TIE1: variants seen among roughly 807,000 people sequenced by gnomAD.
The protein encoded by TIE1 is tyrosine-protein kinase receptor Tie-1.
In TIE1, 89 loss-of-function variants were observed where a neutral mutation model predicts 130.5. The ratio of observed to expected loss-of-function variants is 0.68; its 90% CI spans 0.57 to 0.81. TIE1 has a LOEUF of 0.81. Among genes scored for constraint, TIE1 ranks in the 40% least tolerant of loss-of-function variants. The probability of loss-of-function intolerance (pLI) is 0.00; values close to 1 mark genes in which losing one functional copy is unlikely to be tolerated. For synonymous variants in TIE1, 568 were observed against 629.4 expected (o/e 0.90, Z 1.46); for missense variants, 1,392 against 1,559.8 (o/e 0.89, Z 1.81).
At chr1:43,301,176 C>G in intron 1 of TIE1, 47 bp downstream of exon 1, 8 of 1,589,678 alleles carry the variant, frequency 5.0e-6, no homozygotes, top group Non-Finnish European at 6.9e-6. Flanking sequence ...CCCCGAGGCC[C>G]TGATTTCTAC....
chr1:43,302,859 G>C, intron 1 of TIE1, among the ~76,000 whole-genome samples: 1 of 152,054 alleles, frequency 6.6e-6, no homozygotes, highest in East Asian at 1.9e-4. Flanking sequence ...GCAGGCTGGG[G>C]GGGTGGGGAT....
intron 1 of TIE1, among the ~76,000 whole-genome samples, chr1:43,303,072 G>A (rs996231114): frequency 6.6e-6 from 1 of 152,140 alleles, no homozygotes; most frequent in Non-Finnish European, 1.5e-5. Context: ...CACCTCCCAG[G>A]ATAGCTGGGA....
chr1:43,307,279 G>A lies in TIE1; in HGVS notation c.772+6G>A, dbSNP rs368717508. Reference sequence around the variant, plus strand: ...TGGCACCCGCTGTGAACAGGGTAAGGAGGAGGGGAGCTAGGACCCAGGCAG... The same window carrying A: ...TGGCACCCGCTGTGAACAGGGTAAGAAGGAGGGGAGCTAGGACCCAGGCAG... On this transcript the variant is annotated splice_donor_region_variant and intron_variant, in intron 5 of 22. Coordinates refer to ENST00000372476, the MANE Select transcript of TIE1 (RefSeq NM_005424.5). This position sits in a 1 kb window ranked among gnomAD's most constrained non-coding sequence, Gnocchi z 5.4. The A allele has an allele frequency of 6.2e-7, 1 of 1,613,948 alleles. No homozygotes were observed.
chr1:43,314,777 G>A (rs1435216486), intron 14 of TIE1, among the ~76,000 whole-genome samples: 4 of 152,078 alleles, frequency 2.6e-5, no homozygotes, highest in East Asian at 1.9e-4. Flanking sequence ...GCAGTGAGCC[G>A]AGATGTTGCC....
Position 43,311,983 on chromosome 1 carries a change from C to A in TIE1, c.1493-11C>A. 1 of 1,576,978 alleles carries A rather than the reference C, an allele frequency of 6.3e-7. No homozygotes were observed. The highest frequency in any genetic ancestry group is 8.6e-7 in the Non-Finnish European group (1 of 1,158,406). ...GGGCTGAATAATGTGTGCTTTACAC[C>A]CCACGCCCAGTGGACCCCAGTGAGA... On this transcript the variant is annotated splice_polypyrimidine_tract_variant and intron_variant, in intron 10 of 22. Coordinates refer to ENST00000372476, the MANE Select transcript of TIE1 (RefSeq NM_005424.5).
Position 43,306,752 on chromosome 1 carries a change from A to C in TIE1, c.485-88A>C. 6.7e-7 allele frequency: 1 copy of C among 1,486,046 alleles called. No individual in the cohort carries two copies. The highest frequency in any genetic ancestry group is 9.0e-7 in the Non-Finnish European group (1 of 1,108,828). 92.1% of individuals were successfully genotyped at this position (1,486,046 alleles called of 1,614,324 possible). ...GGTCTCATCACTGTGCATGGGGCTC[A>C]TTGATGTGAGCTGAGCAGAGGTGGA... On this transcript the variant is annotated intron_variant, in intron 3 of 22. Coordinates refer to ENST00000372476, the MANE Select transcript of TIE1 (RefSeq NM_005424.5). This position sits in a 1 kb window ranked among gnomAD's most constrained non-coding sequence, Gnocchi z 4.9.
rs1646767885 is a variant in TIE1, at chr1:43,309,520, G to A, written c.1321G>A (p.Val441Ile). The A allele has an allele frequency of 1.9e-6, 3 of 1,588,682 alleles. No homozygotes were observed. Among genetic ancestry groups the A allele is most frequent in the Non-Finnish European group, 1.7e-6 (2 of 1,169,610 alleles). ...CGGCCAAGACAGCCGGCGCTTCAAG[G>A]TCAATGTGAAAGGTCAGTGATGTCC... ...SGGQDSRRFKVNVKVPPVPLA... is the reference protein window; with the variant it reads ...SGGQDSRRFKINVKVPPVPLA... Residue 441 changes from valine (V) to isoleucine (I), a missense_variant, in exon 9 of 23, where the codon GTC becomes ATC. Transcript: ENST00000372476. This position sits in a 1 kb window ranked among gnomAD's most constrained non-coding sequence, Gnocchi z 6.3.
At position 43,312,117 on chromosome 1, in the gene TIE1, C is replaced by T. The variant is rs766183565; in HGVS notation, c.1616C>T (p.Thr539Ile). ...EGAWGPPTLM[T>I]TDCPEPLLQP... ...GCCTGGGGGCCTCCCACCCTCATGA[C>T]CACAGACTGTCCTGGTGAGAGGCCA... The change falls in exon 11 of 23, where the codon ACC (threonine) becomes ATC (isoleucine). Residue 539 changes from threonine (T) to isoleucine (I), a missense_variant. By Grantham distance (89) the Thr-to-Ile change is moderately conservative (BLOSUM62 -1). This residue lies in a region of TIE1 where 551 missense variants were observed against 565.5 expected (regional missense o/e 0.97). Coordinates refer to ENST00000372476, the MANE Select transcript of TIE1 (RefSeq NM_005424.5). The surrounding 1 kb of genome is among the most constrained non-coding windows in gnomAD (Gnocchi z 5.6). The T allele has an allele frequency of 2.6e-6, 4 of 1,565,582 alleles. No individual in the cohort carries two copies. In the South Asian group the frequency reaches 3.6e-5, roughly 14 times the overall value.
rs1646733719 is a variant in TIE1, at chr1:43,306,897, A to C, written c.542A>C (p.Gln181Pro). The C allele has an allele frequency of 6.2e-7, 1 of 1,613,908 alleles. No individual in the cohort carries two copies. Among genetic ancestry groups the C allele is most frequent in the African/African-American group, 1.3e-5 (1 of 74,914 alleles). Residue 181 changes from glutamine (Q) to proline (P), a missense_variant, in exon 4 of 23, where the codon CAG becomes CCG. This residue lies in a region of TIE1 where 415 missense variants were observed against 424.8 expected (regional missense o/e 0.98). Coordinates refer to ENST00000372476, the MANE Select transcript of TIE1 (RefSeq NM_005424.5). The surrounding 1 kb of genome is among the most constrained non-coding windows in gnomAD (Gnocchi z 4.9). ...GCCCAGGATGGGCGGTTCCTGCTGC[A>C]GCTCCCAAATGTGCAGCCACCATCG... ...HEAQDGRFLL[Q>P]LPNVQPPSSG...
chr1:43,316,947 T>G lies in TIE1; in HGVS notation c.2410-252T>G, dbSNP rs1037001582. On this transcript the variant is annotated intron_variant, in intron 14 of 22. Transcript: ENST00000372476. The surrounding 1 kb of genome is among the most constrained non-coding windows in gnomAD (Gnocchi z 4.4). ...AGTCCCGTACACTAGATCCCCTGGC[T>G]GCAGCCTCTGCATTTCTCTCCTTGG... Among the ~76,000 whole-genome samples the G allele has an allele frequency of 6.6e-6, 1 of 152,186 alleles. No individual in the cohort carries two copies. Among genetic ancestry groups the G allele is most frequent in the Non-Finnish European group, 1.5e-5 (1 of 68,026 alleles).
intron 19 of TIE1, among the ~76,000 whole-genome samples, chr1:43,321,052 A>C (rs1375888885): frequency 9.3e-6 from 1 of 106,976 alleles, no homozygotes; most frequent in Non-Finnish European, 2.1e-5. Flanking sequence ...AAAAAAAAAA[A>C]AACAAAACAA....
Position 43,304,969 on chromosome 1 carries a change from G to T in TIE1, c.177G>T (p.Pro59=). 6.8e-7 allele frequency: 1 copy of T among 1,467,824 alleles called. No homozygotes were observed. The highest frequency in any genetic ancestry group is 9.0e-7 in the Non-Finnish European group (1 of 1,112,084). The allele number at this position is 1,467,824 out of a possible 1,614,324, so 90.9% of individuals were successfully genotyped here. A position where few individuals can be genotyped will look rare whatever the true frequency, so the allele number is the denominator to read the frequency against. Residue 59 remains proline (P), a synonymous_variant, in exon 2 of 23, where the codon CCG becomes CCT. Transcript: ENST00000372476. ...GGAGGGGCTCGGACGCCTGGGGCCC[G>T]CCCCTGCTGCTGGAGAAGGACGACC... The part of the protein sequence containing the change: ...GAGRGSDAWG[P]PLLLEKDDRI...
rs1371775841 is a variant in TIE1, at chr1:43,319,442, A to AT, written c.3037-17_3037-16insT. On this transcript the variant is annotated splice_polypyrimidine_tract_variant and intron_variant, in intron 18 of 22. Transcript: ENST00000372476. The surrounding 1 kb of genome is among the most constrained non-coding windows in gnomAD (Gnocchi z 4.7). ...CCCTTCCTCCACACTCAGCCCCTCA[A>AT]ACCCATTCTCTCCTAGGGGCGTCTC... 2.5e-6 allele frequency: 4 copies of AT among 1,613,742 alleles called. No homozygotes were observed. Among genetic ancestry groups the AT allele is most frequent in the Non-Finnish European group, 3.4e-6 (4 of 1,179,886 alleles).
chr1:43,303,922 A>G (rs1646695987), intron 1 of TIE1, among the ~76,000 whole-genome samples: 1 of 152,122 alleles, frequency 6.6e-6, no homozygotes, highest in Non-Finnish European at 1.5e-5. Context: ...TCAAAAGCAC[A>G]GCGCCCTACA....
In TIE1 at chr1:43,309,265, G is replaced by A. The variant is rs939630656; in HGVS notation, c.1189-123G>A. Reference sequence around the variant, plus strand: ...CCTGACCATTGCTCACATGAGGTCAGGCTGATTGGTGAGGGGGCTGCCACT... The same window carrying A: ...CCTGACCATTGCTCACATGAGGTCAAGCTGATTGGTGAGGGGGCTGCCACT... On this transcript the variant is annotated intron_variant, in intron 8 of 22. Transcript: ENST00000372476. The surrounding 1 kb of genome is among the most constrained non-coding windows in gnomAD (Gnocchi z 6.3). 6.6e-7 allele frequency: 1 copy of A among 1,511,068 alleles called. No homozygotes were observed. The highest frequency in any genetic ancestry group is 2.2e-5 in the Admixed American group (1 of 44,538). 93.6% of individuals were successfully genotyped at this position (1,511,068 alleles called of 1,614,324 possible). A position where few individuals can be genotyped will look rare whatever the true frequency, so the allele number is the denominator to read the frequency against.
intron 1 of TIE1, chr1:43,302,503 C>T (rs1646679863): frequency 6.6e-6 from 1 of 152,236 alleles, no homozygotes; most frequent in South Asian, 2.1e-4. Flanking sequence ...GTTCAGCTTA[C>T]ACTGCCTCAG....
Position 43,308,940 on chromosome 1 carries a change from T to G in TIE1, c.1043-46T>G, listed in dbSNP as rs766552415. The G allele has an allele frequency of 9.3e-6, 15 of 1,613,694 alleles. No homozygotes were observed. In the South Asian group the frequency reaches 1.6e-4, roughly 18 times the overall value. On this transcript the variant is annotated intron_variant, in intron 7 of 22. Transcript: ENST00000372476. ...GATGAGGGGCGCTTTGGTGGTCACG[T>G]GTCTGCCCCTGTGGGAGCTCCAGGA...
rs1412533279 is a variant in TIE1 at position 43,316,272 on chromosome 1, T to C, written c.2410-927T>C. Among the ~76,000 whole-genome samples, 1 of 152,174 alleles carries C rather than the reference T, an allele frequency of 6.6e-6. No homozygotes were observed. The highest frequency in any genetic ancestry group is 2.4e-5 in the African/African-American group (1 of 41,438). On this transcript the variant is annotated intron_variant, in intron 14 of 22. Coordinates refer to ENST00000372476, the MANE Select transcript of TIE1 (RefSeq NM_005424.5). This position sits in a 1 kb window ranked among gnomAD's most constrained non-coding sequence, Gnocchi z 4.4. ...TGGACCTATACATGATGCACCTACA[T>C]ATGGTGCTGCCCAAGAACATCACGT...
rs1318544053 is a variant in TIE1 at position 43,312,093 on chromosome 1, C to T, written c.1592C>T (p.Ala531Val). Residue 531 changes from alanine to valine, a missense_variant, in exon 11 of 23, where the codon GCC becomes GTC. Transcript: ENST00000372476. The surrounding 1 kb of genome is among the most constrained non-coding windows in gnomAD (Gnocchi z 5.6). ...LSRPGEGGEG[A>V]WGPPTLMTTD... is the part of the protein sequence containing the mutation. ...CGGCCAGGGGAAGGAGGAGAGGGGG[C>T]CTGGGGGCCTCCCACCCTCATGACC... 5.0e-6 allele frequency: 8 copies of T among 1,587,872 alleles called. No individual in the cohort carries two copies. Among genetic ancestry groups the T allele is most frequent in the Middle Eastern group, 1.7e-4 (1 of 5,958 alleles).
Sources: gnomAD v4.1 joint callset for allele counts (sites outside exome capture counted in the v4.1 genomes callset) on GRCh38, gnomAD v4.1.1 for gene constraint, gnomAD v4.1.1 regional missense constraint, Gnocchi (gnomAD v3.1) non-coding constraint, MANE v1.5 for transcripts, NCBI Gene and HGNC (gene_info 2026-07-23, HGNC 2026-07-21) for gene names.